TRIM35: variants seen among roughly 807,000 people sequenced by gnomAD.
The protein encoded by TRIM35 is E3 ubiquitin-protein ligase TRIM35.
A neutral mutation model predicts 49.1 loss-of-function variants in TRIM35; 37 were observed. The observed-to-expected ratio is 0.75, with a 90% CI of 0.58 to 0.99. The LOEUF (loss-of-function observed/expected upper bound fraction) is 0.99. Among genes scored for constraint, TRIM35 ranks in the 50% least tolerant of loss-of-function variants. The pLI, the probability that TRIM35 is intolerant of heterozygous loss-of-function variation, is 0.00. For synonymous variants in TRIM35, 302 were observed against 289.3 expected, an observed-to-expected ratio of 1.04 and a Z score of -0.45; for missense variants, 648 against 702.7, an observed-to-expected ratio of 0.92 and a Z score of 0.88.
Position 27,287,940 on chromosome 8 carries a change from C to A in TRIM35, c.1092G>T (p.Gly364=), listed in dbSNP as rs1424384840. 1.9e-6 allele frequency: 3 copies of A among 1,612,840 alleles called. No homozygotes were observed. The highest frequency in any genetic ancestry group is 2.7e-5 in the African/African-American group (2 of 74,922). The change falls in exon 6 of 6, where the codon GGG becomes GGT. Residue 364 remains glycine (G), a synonymous_variant. Transcript: ENST00000305364. This position sits in a 1 kb window ranked among gnomAD's most constrained non-coding sequence, Gnocchi z 6.0. ...GSHAWEVALG[G]LQSWRVGVVR... Reference sequence around the variant, plus strand: ...CCACGCCCACCCTCCAGCTCTGCAGCCCCCCAAGGGCCACCTCCCAGGCGT... The same window carrying A: ...CCACGCCCACCCTCCAGCTCTGCAGACCCCCAAGGGCCACCTCCCAGGCGT...
intron 2 of TRIM35, among the ~76,000 whole-genome samples, chr8:27,294,936 C>A (rs1802535735): frequency 6.6e-6 from 1 of 152,098 alleles, no homozygotes; most frequent in East Asian, 1.9e-4. Flanking sequence ...ATTTTCCCTG[C>A]CTCAGCCTCC....
In TRIM35 at chr8:27,311,206, C is replaced by T. The variant is rs1328465630; in HGVS notation, c.30G>A (p.Gly10=). The change falls in exon 1 of 6, where the codon GGG becomes GGA. Residue 10 remains glycine, a synonymous_variant. Coordinates refer to ENST00000305364, the MANE Select transcript of TRIM35 (RefSeq NM_171982.5). MERSPDVSP[G]PSRSFKEELL... ...ACTCCTCCTTGAAGGAGCGGGAAGG[C>T]CCGGGGGACACGTCGGGACTCCGCT... The T allele has an allele frequency of 6.3e-7, 1 of 1,588,734 alleles. No individual in the cohort carries two copies. The highest frequency in any genetic ancestry group is 1.1e-5 in the South Asian group (1 of 87,972).
chr8:27,289,500 T>C (rs1305590742), intron 4 of TRIM35, among the ~76,000 whole-genome samples: 1 of 152,236 alleles, frequency 6.6e-6, no homozygotes, highest in African/African-American at 2.4e-5. Flanking sequence ...GGGCTCACCC[T>C]GCCCCAACTA....
intron 2 of TRIM35, 78 bp downstream of exon 2, chr8:27,298,386 C>A: frequency 7.1e-7 from 1 of 1,418,286 alleles, no homozygotes; most frequent in Non-Finnish European, 9.9e-7. Context: ...GCCAAAGCCA[C>A]GGCTGACACA....
chr8:27,301,737 C>T lies in TRIM35; in HGVS notation c.436-3178G>A, dbSNP rs548377485. Among the ~76,000 whole-genome samples the T allele has an allele frequency of 3.3e-5, 5 of 152,334 alleles. No homozygotes were observed. In the East Asian group the frequency reaches 9.6e-4, roughly 29 times the overall value. On this transcript the variant is annotated intron_variant, in intron 1 of 5. Coordinates refer to ENST00000305364, the MANE Select transcript of TRIM35 (RefSeq NM_171982.5). ...TAGTTTTAAGAAACACCTCCCTACA[C>T]TGAGATCACAAAAACAATCGTATTA...
At chr8:27,297,722 C>T (rs1484570167) in intron 2 of TRIM35, among the ~76,000 whole-genome samples, 1 of 152,232 alleles carries the variant, frequency 6.6e-6, no homozygotes, top group Non-Finnish European at 1.5e-5. Context: ...TTTAAGAGAA[C>T]ATCTGAGCTG....
intron 1 of TRIM35, among the ~76,000 whole-genome samples, chr8:27,309,031 G>T (rs1006836417): frequency 3.3e-5 from 5 of 152,172 alleles, no homozygotes; most frequent in Admixed American, 6.5e-5. Context: ...TCGGGTCTCT[G>T]CTGGAAGCTC....
chr8:27,296,608 C>CACAG (rs1802572410), intron 2 of TRIM35, among the ~76,000 whole-genome samples: 1 of 152,226 alleles, frequency 6.6e-6, no homozygotes, highest in East Asian at 1.9e-4. Flanking sequence ...AGTGCCACCA[C>CACAG]ACAGACAGAC....
intron 2 of TRIM35, 121 bp downstream of exon 2, chr8:27,298,343 A>ATTAC: frequency 5.9e-6 from 5 of 854,266 alleles, no homozygotes; most frequent in Non-Finnish European, 9.5e-6. Flanking sequence ...ATCAGAGGTA[A>ATTAC]GGCAGCCGAC....
chr8:27,310,711 C>G lies in TRIM35; in HGVS notation c.435+90G>C. 2.1e-6 allele frequency: 3 copies of G among 1,416,334 alleles called. No homozygotes were observed. The South Asian group carries it at 4.2e-5, about 20-fold the overall frequency. The allele number at this position is 1,416,334 out of a possible 1,614,324, so 87.7% of individuals were successfully genotyped here. A position where few individuals can be genotyped will look rare whatever the true frequency, so the allele number is the denominator to read the frequency against. ...GAGCGAGACGCGGGCACACTGGGCTCTGGCAGGCAGGAGGGGCGGGAGCCG... is the reference window on the plus strand; with the variant it reads ...GAGCGAGACGCGGGCACACTGGGCTGTGGCAGGCAGGAGGGGCGGGAGCCG... On this transcript the variant is annotated intron_variant, in intron 1 of 5. Coordinates refer to ENST00000305364, the MANE Select transcript of TRIM35 (RefSeq NM_171982.5).
chr8:27,302,807 A>G (rs1346916283), intron 1 of TRIM35, among the ~76,000 whole-genome samples: 1 of 152,232 alleles, frequency 6.6e-6, no homozygotes, highest in Non-Finnish European at 1.5e-5. Flanking sequence ...TTATGATTTA[A>G]CTGTAGAATC....
chr8:27,310,239 C>T (rs1330139594), intron 1 of TRIM35, among the ~76,000 whole-genome samples: 1 of 152,174 alleles, frequency 6.6e-6, no homozygotes, highest in Non-Finnish European at 1.5e-5. Flanking sequence ...TATGTATAGT[C>T]ACTAGAACTC....
At chr8:27,293,180 G>A (rs1272421478) in intron 3 of TRIM35, among the ~76,000 whole-genome samples, 4 of 151,776 alleles carry the variant, frequency 2.6e-5, no homozygotes, top group African/African-American at 7.3e-5. Context: ...TGTCCCTGTC[G>A]CCTCCCACTC....
chr8:27,291,503 A>G (rs1208968518), intron 3 of TRIM35, among the ~76,000 whole-genome samples: 2 of 152,262 alleles, frequency 1.3e-5, no homozygotes, highest in Non-Finnish European at 2.9e-5. Context: ...AGTTCTTCCA[A>G]TAGTTAAACC....
At chr8:27,308,989 CCT>C (rs990573379) in intron 1 of TRIM35, among the ~76,000 whole-genome samples, 2 of 152,208 alleles carry the variant, frequency 1.3e-5, no homozygotes, top group Non-Finnish European at 1.5e-5. Flanking sequence ...TCTGAAATAC[CCT>C]CTTTCACCTG....
At chr8:27,303,797 A>G (rs1300862297) in intron 1 of TRIM35, among the ~76,000 whole-genome samples, 3 of 152,126 alleles carry the variant, frequency 2.0e-5, no homozygotes, top group African/African-American at 7.2e-5. Flanking sequence ...AGATTCAAGC[A>G]ATTCTCTTGC....
chr8:27,309,956 C>T (rs1029893622), intron 1 of TRIM35, among the ~76,000 whole-genome samples: 2 of 149,508 alleles, frequency 1.3e-5, no homozygotes, highest in Non-Finnish European at 3.0e-5. Flanking sequence ...CACGCCACTG[C>T]ACTCTAACCT....
At chr8:27,307,596 A>G (rs1280790568) in intron 1 of TRIM35, among the ~76,000 whole-genome samples, 3 of 152,054 alleles carry the variant, frequency 2.0e-5, no homozygotes, top group East Asian at 1.9e-4. Flanking sequence ...CTGGCACACA[A>G]CCAGTACCTT....
At chr8:27,297,889 C>T (rs575418730) in intron 2 of TRIM35, among the ~76,000 whole-genome samples, 179 of 152,102 alleles carry the variant, frequency 1.2e-3, no homozygotes, top group African/African-American at 4.1e-3. Flanking sequence ...CTGGGTGGTA[C>T]TGAGGGTGAC....
Sources: allele counts gnomAD v4.1 joint callset (sites outside exome capture counted in the v4.1 genomes callset), GRCh38; gene constraint gnomAD v4.1.1; non-coding constraint Gnocchi (gnomAD v3.1); transcripts MANE v1.5; gene names NCBI Gene and HGNC (gene_info 2026-07-23, HGNC 2026-07-21).